Variants in CLTC observed in about 807,000 individuals in gnomAD.
CLTC encodes clathrin heavy chain 1.
A neutral mutation model predicts 195.8 loss-of-function variants in CLTC; 16 were observed. The observed-to-expected ratio is 0.08, with a 90% CI of 0.06 to 0.12. CLTC has a LOEUF of 0.12. Ranked by LOEUF, CLTC falls within the 10% of genes least tolerant of loss-of-function variation. The pLI is 1.00. For synonymous variants in CLTC, 667 were observed against 689.4 expected (o/e 0.97, Z 0.51); for missense variants, 796 against 2,027.0 (o/e 0.39, Z 11.66).
Position 59,683,013 on chromosome 17 carries a change from A to G in CLTC, c.3872A>G (p.Gln1291Arg). 6.2e-7 allele frequency: 1 copy of G among 1,613,912 alleles called. No individual in the cohort carries two copies. The highest frequency in any genetic ancestry group is 8.5e-7 in the Non-Finnish European group (1 of 1,179,798). The change falls in exon 24 of 32, where the codon CAG (glutamine) becomes CGG (arginine). Residue 1291 changes from glutamine to arginine, a missense_variant and splice_region_variant. Physicochemically the swap from Gln to Arg is conservative, Grantham distance 43 (BLOSUM62 1). Around this residue, in one of 9 missense-constraint regions of CLTC, gnomAD observed 102 missense variants for 317.6 expected, o/e 0.32. Transcript: ENST00000269122. The surrounding 1 kb of genome is among the most constrained non-coding windows in gnomAD (Gnocchi z 6.1). ...DELEELINYY[Q>R]DRGYFEELIT... Reference sequence around the variant, plus strand: ...TTAGAAGAACTTATCAACTACTATCAGGTATTAACGAGACTTTTATATGAC... The same window carrying G: ...TTAGAAGAACTTATCAACTACTATCGGGTATTAACGAGACTTTTATATGAC...
At chr17:59,627,140 G>A (rs1419988858) in intron 1 of CLTC, among the ~76,000 whole-genome samples, 1 of 152,078 alleles carries the variant, frequency 6.6e-6, no homozygotes, top group Non-Finnish European at 1.5e-5. Flanking sequence ...GGCTCAAGCA[G>A]TCCACCTGCC....
At chr17:59,650,318 A>T (rs1021016866) in intron 4 of CLTC, among the ~76,000 whole-genome samples, 4 of 152,164 alleles carry the variant, frequency 2.6e-5, no homozygotes, top group Non-Finnish European at 5.9e-5. Context: ...TTTAGTGTAT[A>T]TGTATAGGTA....
At chr17:59,673,984 A>T (rs180749223) in intron 15 of CLTC, among the ~76,000 whole-genome samples, 10 of 152,076 alleles carry the variant, frequency 6.6e-5, no homozygotes, top group African/African-American at 2.4e-4. Context: ...CTCTAACCTT[A>T]AACTCCTGGG....
chr17:59,684,084 G>C (rs2143597560), intron 28 of CLTC, 99 bp downstream of exon 28: 2 of 705,760 alleles, frequency 2.8e-6, no homozygotes, highest in East Asian at 5.5e-5. Flanking sequence ...GTAAACAGTA[G>C]GTGCTTGCAT....
intron 18 of CLTC, 37 bp downstream of exon 18, chr17:59,679,556 A>G (rs2033039229): frequency 6.5e-7 from 1 of 1,527,304 alleles, no homozygotes; most frequent in Non-Finnish European, 8.8e-7. Context: ...TGTCAGTAAA[A>G]ATTATACATT....
At chr17:59,662,831 T>A (rs8076477) in intron 8 of CLTC, among the ~76,000 whole-genome samples, 9,954 of 152,136 alleles carry the variant, frequency 0.065, 1,073 homozygotes, top group African/African-American at 0.23. Context: ...TCCCACTACT[T>A]TGGGAGGCTG....
rs1355118025 is a variant in CLTC, at chr17:59,663,913, A to C, written c.1440A>C (p.Leu480=). 2 of 1,613,752 alleles carry C rather than the reference A, an allele frequency of 1.2e-6. No individual in the cohort carries two copies. The highest frequency in any genetic ancestry group is 2.7e-5 in the African/African-American group (2 of 74,922). Residue 480 remains leucine, a synonymous_variant, in exon 9 of 32, where the codon CTA becomes CTC. Coordinates refer to ENST00000269122, the MANE Select transcript of CLTC (RefSeq NM_004859.4). ...CTACATTGGCACTTAGTGTGTACCT[A>C]AGGGCTAACGTCCCAAATAAAGTCA... The part of the protein sequence containing the change: ...VDPTLALSVY[L]RANVPNKVIQ...
At position 59,619,940 on chromosome 17, in the gene CLTC, T is replaced by TCTCCTGGCCCCTGGAGCCTCCG. The variant is rs2031301091; in HGVS notation, c.-190_-169dup. ...CTGCGCCCGGTTCCGCCATTGCGGC[T>TCTCCTGGCCCCTGGAGCCTCCG]CTCCTGGCCCCTGGAGCCTCCGCCC... On this transcript the variant is annotated 5_prime_UTR_variant, in exon 1 of 32. Transcript: ENST00000269122. The TCTCCTGGCCCCTGGAGCCTCCG allele has an allele frequency of 3.6e-6, 2 of 549,806 alleles. No individual in the cohort carries two copies. The highest frequency in any genetic ancestry group is 6.5e-6 in the Non-Finnish European group (2 of 307,418). 34.1% of individuals were successfully genotyped at this position (549,806 alleles called of 1,614,324 possible). A position where few individuals can be genotyped will look rare whatever the true frequency, so the allele number is the denominator to read the frequency against.
intron 14 of CLTC, among the ~76,000 whole-genome samples, chr17:59,672,297 T>G (rs2032865074): frequency 1.3e-5 from 2 of 152,152 alleles, no homozygotes; most frequent in African/African-American, 4.8e-5. Context: ...TGGAATACAG[T>G]TAGTATTCCA....
At position 59,685,871 on chromosome 17, in the gene CLTC, T is replaced by C; in HGVS notation, c.4827+63T>C. ...TTGCATGTAAAATTCTACATGCACA[T>C]TAATTTTTTTAAATGCTTTTTTCTT... On this transcript the variant is annotated intron_variant, in intron 30 of 31. Coordinates refer to ENST00000269122, the MANE Select transcript of CLTC (RefSeq NM_004859.4). This position sits in a 1 kb window ranked among gnomAD's most constrained non-coding sequence, Gnocchi z 5.0. The C allele has an allele frequency of 1.7e-6, 2 of 1,196,616 alleles. No individual in the cohort carries two copies. Among genetic ancestry groups the C allele is most frequent in the Non-Finnish European group, 2.4e-6 (2 of 850,494 alleles). The allele number at this position is 1,196,616 out of a possible 1,614,324, so 74.1% of individuals were successfully genotyped here.
chr17:59,680,258 A>G (rs2033055915), intron 18 of CLTC, among the ~76,000 whole-genome samples: 1 of 152,132 alleles, frequency 6.6e-6, no homozygotes. Context: ...CAAAAGACCA[A>G]GTGCATCAGT....
intron 1 of CLTC, among the ~76,000 whole-genome samples, chr17:59,644,036 TC>T: frequency 6.6e-6 from 1 of 152,232 alleles, no homozygotes; most frequent in Non-Finnish European, 1.5e-5. Context: ...TGTTGCTCTT[TC>T]CTTTAACTTC....
intron 1 of CLTC, among the ~76,000 whole-genome samples, chr17:59,632,039 T>G (rs2031734974): frequency 6.6e-6 from 1 of 151,032 alleles, no homozygotes; most frequent in African/African-American, 2.4e-5. Flanking sequence ...GTGTGTGTGT[T>G]TGTGTGTGTG....
At chr17:59,668,662 G>A in intron 13 of CLTC, 115 bp from the exon 14 acceptor site, 1 of 844,704 alleles carries the variant, frequency 1.2e-6, no homozygotes, top group South Asian at 2.1e-5. Context: ...CGCTTTTTAA[G>A]CAACCAACTT....
chr17:59,689,589 C>T (rs1300666323), intron 30 of CLTC: 1 of 152,114 alleles, frequency 6.6e-6, no homozygotes, highest in African/African-American at 2.4e-5. Context: ...TTTAGTTTTA[C>T]TTAGGTATAA....
At chr17:59,624,932 A>G (rs1318942455) in intron 1 of CLTC, among the ~76,000 whole-genome samples, 1 of 152,198 alleles carries the variant, frequency 6.6e-6, no homozygotes, top group African/African-American at 2.4e-5. Context: ...GGCCTCCCAA[A>G]GTGCTGGGAT....
chr17:59,676,916 C>T, intron 16 of CLTC, 38 bp from the exon 17 acceptor site: 1 of 1,394,664 alleles, frequency 7.2e-7, no homozygotes, highest in South Asian at 1.2e-5. Context: ...ATTTATAATA[C>T]AGTATGTGTG....
At chr17:59,690,554 C>A in intron 30 of CLTC, 82 bp from the exon 31 acceptor site, 3 of 924,626 alleles carry the variant, frequency 3.2e-6, no homozygotes, top group Admixed American at 2.1e-5. Context: ...ATTTAACATA[C>A]TAAGGCTTTT....
intron 16 of CLTC, among the ~76,000 whole-genome samples, chr17:59,676,523 T>G (rs2032969204): frequency 6.6e-6 from 1 of 152,240 alleles, no homozygotes; most frequent in South Asian, 2.1e-4. Context: ...TCTAATCTTT[T>G]ATTCAGATAT....
Sources: allele counts gnomAD v4.1 joint callset (sites outside exome capture counted in the v4.1 genomes callset), GRCh38; gene constraint gnomAD v4.1.1; regional missense constraint gnomAD v4.1.1; non-coding constraint Gnocchi (gnomAD v3.1); transcripts MANE v1.5; gene names NCBI Gene and HGNC (gene_info 2026-07-23, HGNC 2026-07-21).